The following VPS8 variants were observed in gnomAD, a reference collection of about 807,000 sequenced individuals.
VPS8 encodes vacuolar protein sorting-associated protein 8 homolog.
VPS8 carries 129 observed loss-of-function variants against 216.4 expected under a neutral mutation model. The ratio of observed to expected loss-of-function variants is 0.60; its 90% confidence interval spans 0.52 to 0.69. VPS8 has a LOEUF of 0.69. Among genes scored for constraint, VPS8 ranks in the 30% least tolerant of loss-of-function variants. The pLI is 0.00. For synonymous variants in VPS8, 571 were observed against 565.4 expected, an observed-to-expected ratio of 1.01 and a Z score of -0.14; for missense variants, 1,531 against 1,683.5, an observed-to-expected ratio of 0.91 and a Z score of 1.59.
At chr3:184,981,459 G>A (rs1414043920) in intron 40 of VPS8, among the ~76,000 whole-genome samples, 11 of 133,580 alleles carry the variant, frequency 8.2e-5, no homozygotes, top group African/African-American at 3.1e-4. Context: ...TTGAGACCGA[G>A]TCTTGCTCTT....
chr3:184,957,860 G>A (rs1244175085), intron 37 of VPS8, among the ~76,000 whole-genome samples: 4 of 152,166 alleles, frequency 2.6e-5, no homozygotes, highest in Non-Finnish European at 5.9e-5. Context: ...AGTAAAAGGT[G>A]GAAACATGTA....
At chr3:185,003,404 C>A (rs1322364535) in intron 45 of VPS8, among the ~76,000 whole-genome samples, 4 of 145,598 alleles carry the variant, frequency 2.7e-5, no homozygotes, top group Non-Finnish European at 6.0e-5. Flanking sequence ...GCACATCTTG[C>A]ACCGCCCTTA....
chr3:185,023,841 A>G (rs1756988457), intron 45 of VPS8, among the ~76,000 whole-genome samples: 4 of 152,180 alleles, frequency 2.6e-5, no homozygotes, highest in Admixed American at 1.3e-4. Context: ...CAAATATTTA[A>G]ATATATTTCT....
At chr3:184,870,338 A>G (rs1245846371) in intron 20 of VPS8, among the ~76,000 whole-genome samples, 1 of 152,088 alleles carries the variant, frequency 6.6e-6, no homozygotes, top group East Asian at 1.9e-4. Flanking sequence ...CCAAATTAGT[A>G]TAAACATTTG....
rs756790861 is a variant in VPS8, at chr3:184,826,114, T to A, written c.154-49T>A. 1.1e-5 allele frequency: 15 copies of A among 1,364,740 alleles called. No homozygotes were observed. The African/African-American group carries it at 1.6e-4, about 14-fold the overall frequency. The allele number at this position is 1,364,740 out of a possible 1,614,324, so 84.5% of individuals were successfully genotyped here. A position where few individuals can be genotyped will look rare whatever the true frequency, so the allele number is the denominator to read the frequency against. On this transcript the variant is annotated intron_variant, in intron 2 of 47. Coordinates refer to ENST00000625842, the MANE Select transcript of VPS8 (RefSeq NM_001009921.3). ...AATCAACTAAAACCCCTCACAATTA[T>A]AAGCAGAAAGGCATCATTTTGTGAG... is the stretch of plus-strand genomic sequence containing the variant.
At chr3:184,969,777 A>G (rs186618233) in intron 39 of VPS8, among the ~76,000 whole-genome samples, 27 of 151,882 alleles carry the variant, frequency 1.8e-4, no homozygotes, top group African/African-American at 6.3e-4. Flanking sequence ...AAAAATTAAG[A>G]AGAGCATTCC....
At chr3:184,892,339 C>T (rs111469066) in intron 22 of VPS8, among the ~76,000 whole-genome samples, 1 of 152,162 alleles carries the variant, frequency 6.6e-6, no homozygotes, top group African/African-American at 2.4e-5. Context: ...GCCTCAGCCT[C>T]CTGAGTAGCC....
rs1203370542 is a variant in VPS8, at chr3:184,855,570, C to T, written c.1036-141C>T. 2.1e-5 allele frequency: 14 copies of T among 682,808 alleles called. No homozygotes were observed. In the Admixed American group the frequency reaches 3.7e-4, roughly 18 times the overall value. The allele number at this position is 682,808 out of a possible 1,614,324, so 42.3% of individuals were successfully genotyped here. On this transcript the variant is annotated intron_variant, in intron 13 of 47. Coordinates refer to ENST00000625842, the MANE Select transcript of VPS8 (RefSeq NM_001009921.3). ...CAGAAAGTTCCCTCATGATACCTCC[C>T]AGTTAGTTCTTGCTTTACTGAGAAA...
intron 47 of VPS8, among the ~76,000 whole-genome samples, chr3:185,051,181 G>A (rs897543271): frequency 2.6e-5 from 4 of 152,158 alleles, no homozygotes; most frequent in South Asian, 4.1e-4. Flanking sequence ...CCAACAGGCC[G>A]ACATTAGCAT....
chr3:184,839,788 A>G, intron 7 of VPS8, 36 bp downstream of exon 7: 1 of 1,564,952 alleles, frequency 6.4e-7, no homozygotes, highest in Non-Finnish European at 8.7e-7. Flanking sequence ...TTTAAATATT[A>G]AGTGTCCTTT....
At chr3:184,916,013 C>T (rs1737502458) in intron 28 of VPS8, among the ~76,000 whole-genome samples, 1 of 151,982 alleles carries the variant, frequency 6.6e-6, no homozygotes, top group African/African-American at 2.4e-5. Context: ...TTTCCTCCCT[C>T]TCTCCTTCTC....
At chr3:184,950,426 G>A (rs1297585459) in intron 36 of VPS8, among the ~76,000 whole-genome samples, 1 of 151,470 alleles carries the variant, frequency 6.6e-6, no homozygotes, top group Non-Finnish European at 1.5e-5. Context: ...AGGAGATTGT[G>A]AAATCCTCTT....
intron 39 of VPS8, among the ~76,000 whole-genome samples, chr3:184,969,279 G>A (rs1244316270): frequency 4.7e-5 from 7 of 149,120 alleles, no homozygotes; most frequent in African/African-American, 1.2e-4. Context: ...CACCACACCC[G>A]GCTAATTTTT....
intron 5 of VPS8, chr3:184,834,960 A>G (rs2108562315): frequency 2.5e-6 from 1 of 393,758 alleles, no homozygotes; most frequent in African/African-American, 2.1e-5. Context: ...TTCTGCTCAG[A>G]GTCTAGGCTG....
chr3:184,960,061 T>A (rs1409569454), intron 37 of VPS8, among the ~76,000 whole-genome samples: 1 of 152,072 alleles, frequency 6.6e-6, no homozygotes, highest in African/African-American at 2.4e-5. Context: ...ATTATTCGAT[T>A]CCCACCTATG....
intron 36 of VPS8, among the ~76,000 whole-genome samples, chr3:184,945,252 C>T (rs1263581140): frequency 6.6e-6 from 1 of 151,232 alleles, no homozygotes. Context: ...TTTATTTATA[C>T]TCACTTTTTC....
At chr3:184,913,681 T>A in intron 26 of VPS8, 120 bp downstream of exon 26, 1 of 756,944 alleles carries the variant, frequency 1.3e-6, no homozygotes, top group Non-Finnish European at 2.0e-6. Context: ...TTCTTTTATG[T>A]AGAGCAGTGG....
chr3:185,015,959 A>T (rs1187571454), intron 45 of VPS8, among the ~76,000 whole-genome samples: 1 of 152,238 alleles, frequency 6.6e-6, no homozygotes, highest in Non-Finnish European at 1.5e-5. Flanking sequence ...AAAAATTAGC[A>T]AATCTAGAGT....
intron 37 of VPS8, among the ~76,000 whole-genome samples, chr3:184,962,392 C>T (rs901167701): frequency 6.6e-6 from 1 of 152,178 alleles, no homozygotes; most frequent in Non-Finnish European, 1.5e-5. Flanking sequence ...TGCTGTTTTT[C>T]ACATCCTTGC....
Sources: gnomAD v4.1 joint callset for allele counts (sites outside exome capture counted in the v4.1 genomes callset) on GRCh38, gnomAD v4.1.1 for gene constraint, MANE v1.5 for transcripts, NCBI Gene and HGNC (gene_info 2026-07-23, HGNC 2026-07-21) for gene names.